The following DOCK2 variants were observed in gnomAD, a reference collection of about 807,000 sequenced individuals.
The protein encoded by DOCK2 is dedicator of cytokinesis 2.
Under a neutral mutation model 248.9 loss-of-function variants are expected in DOCK2, and 87 were observed. The observed-to-expected ratio is 0.35, with a 90% confidence interval of 0.29 to 0.42. DOCK2 has a LOEUF of 0.42. Among genes scored for constraint, DOCK2 ranks in the 10% least tolerant of loss-of-function variants. DOCK2 has a pLI of 1.00. For missense variants in DOCK2, 1,747 were observed against 2,300.2 expected (o/e 0.76, Z 4.92); for synonymous variants, 805 against 821.6 (o/e 0.98, Z 0.35).
intron 27 of DOCK2, among the ~76,000 whole-genome samples, chr5:169,848,773 A>T (rs1048852806): frequency 6.6e-6 from 1 of 152,228 alleles, no homozygotes; most frequent in African/African-American, 2.4e-5. Flanking sequence ...TTGGCATCAT[A>T]GCAGCTCCAG....
intron 5 of DOCK2, among the ~76,000 whole-genome samples, chr5:169,673,566 G>A (rs369347010): frequency 4.6e-5 from 7 of 151,948 alleles, no homozygotes; most frequent in South Asian, 2.1e-4. Flanking sequence ...TGTCACCCCC[G>A]CTGGAGTGCA....
chr5:169,804,494 G>GCGCACA (rs1182317986), intron 26 of DOCK2, among the ~76,000 whole-genome samples: 5 of 57,918 alleles, frequency 8.6e-5, no homozygotes, highest in African/African-American at 1.8e-4. Flanking sequence ...GTGCGCGCGC[G>GCGCACA]CGTGCGCGTA....
chr5:169,680,074 C>G (rs754385384), intron 6 of DOCK2, among the ~76,000 whole-genome samples: 9 of 152,198 alleles, frequency 5.9e-5, no homozygotes, highest in Non-Finnish European at 1.2e-4. Flanking sequence ...CTACCCCACT[C>G]CACAACCCAT....
chr5:169,932,241 T>C (rs985853524), intron 27 of DOCK2, among the ~76,000 whole-genome samples: 1 of 152,154 alleles, frequency 6.6e-6, no homozygotes, highest in Non-Finnish European at 1.5e-5. Flanking sequence ...GTCCCTGAGT[T>C]TACAGAGCCC....
chr5:169,815,988 G>A (rs1034946283), intron 26 of DOCK2, among the ~76,000 whole-genome samples: 3 of 152,184 alleles, frequency 2.0e-5, no homozygotes, highest in Non-Finnish European at 2.9e-5. Context: ...CTTCACTGGG[G>A]CAGCCACTTG....
At chr5:169,752,565 C>A (rs915842485) in intron 23 of DOCK2, among the ~76,000 whole-genome samples, 1 of 149,520 alleles carries the variant, frequency 6.7e-6, no homozygotes, top group African/African-American at 2.5e-5. Flanking sequence ...ATAGTGAGAC[C>A]CTGTCTCGAC....
At chr5:169,922,585 T>C (rs1468605635) in intron 27 of DOCK2, among the ~76,000 whole-genome samples, 2 of 152,238 alleles carry the variant, frequency 1.3e-5, no homozygotes, top group Non-Finnish European at 2.9e-5. Flanking sequence ...ATTTGCAGTT[T>C]AGAGAATATC....
At chr5:169,934,514 G>C in intron 27 of DOCK2, 1 of 398,660 alleles carries the variant, frequency 2.5e-6, no homozygotes, top group Middle Eastern at 5.8e-4. Flanking sequence ...ATGCTTATCA[G>C]CACCCACATT....
At chr5:169,961,261 G>A (rs145622551) in intron 27 of DOCK2, among the ~76,000 whole-genome samples, 19 of 152,310 alleles carry the variant, frequency 1.2e-4, no homozygotes, top group African/African-American at 4.6e-4. Flanking sequence ...GATAAATGCT[G>A]TCAGAGTTCT....
chr5:169,750,592 T>C (rs1022116414), intron 23 of DOCK2, among the ~76,000 whole-genome samples: 39 of 152,338 alleles, frequency 2.6e-4, no homozygotes, highest in East Asian at 1.9e-4. Flanking sequence ...GGTTCTTGTC[T>C]GGGTAGCTGT....
Position 169,892,182 on chromosome 5 carries a change from C to G in DOCK2, c.2799+51330C>G, listed in dbSNP as rs192514125. On this transcript the variant is annotated intron_variant, in intron 27 of 51. Transcript: ENST00000520908. The stretch of plus-strand genomic sequence containing the variant: ...TAAAACACAATAAAGTGGAGTTGTT[C>G]TAGAAAATGTAGGGGACTCAGTCCT... Among the ~76,000 whole-genome samples the G allele has an allele frequency of 2.1e-3, 318 of 152,140 alleles. 2 individuals carry two copies. The highest frequency in any genetic ancestry group is 3.4e-3 in the Non-Finnish European group (231 of 67,976).
intron 25 of DOCK2, chr5:169,779,308 A>C (rs6879663): frequency 0.4 from 60,923 of 151,986 alleles, 14,138 homozygotes; most frequent in African/African-American, 0.62. Context: ...ACCAATTGTT[A>C]GCACTGAAAG....
chr5:170,070,843 A>G (rs991041110), intron 46 of DOCK2, among the ~76,000 whole-genome samples: 5 of 152,230 alleles, frequency 3.3e-5, no homozygotes, highest in African/African-American at 1.2e-4. Context: ...GCGAATACCA[A>G]GCTGTACCTT....
At chr5:169,750,771 T>G (rs1275361309) in intron 23 of DOCK2, among the ~76,000 whole-genome samples, 3 of 152,088 alleles carry the variant, frequency 2.0e-5, no homozygotes, top group African/African-American at 7.2e-5. Context: ...TTCCACCTAT[T>G]TACATAGCTA....
At chr5:169,880,923 T>C (rs537156462) in intron 27 of DOCK2, among the ~76,000 whole-genome samples, 1 of 152,322 alleles carries the variant, frequency 6.6e-6, no homozygotes, top group East Asian at 1.9e-4. Context: ...CTGTGCCAAG[T>C]AAGGGCTTGG....
At chr5:169,982,180 G>T (rs1023222931) in intron 27 of DOCK2, among the ~76,000 whole-genome samples, 1 of 151,714 alleles carries the variant, frequency 6.6e-6, no homozygotes, top group Non-Finnish European at 1.5e-5. Context: ...GGCAGCCCCA[G>T]TGGAAACTTG....
chr5:169,931,001 G>C (rs1775724737), intron 27 of DOCK2, among the ~76,000 whole-genome samples: 1 of 152,248 alleles, frequency 6.6e-6, no homozygotes, highest in African/African-American at 2.4e-5. Context: ...TCATGTGTGT[G>C]CCAGACAGAG....
At chr5:169,955,689 A>G (rs1229609464) in intron 27 of DOCK2, among the ~76,000 whole-genome samples, 1 of 152,174 alleles carries the variant, frequency 6.6e-6, no homozygotes, top group Admixed American at 6.5e-5. Context: ...TAGCCACTAT[A>G]TAGCTGTGGA....
chr5:169,840,426 A>G (rs1444785616), intron 26 of DOCK2, among the ~76,000 whole-genome samples: 1 of 152,188 alleles, frequency 6.6e-6, no homozygotes, highest in Non-Finnish European at 1.5e-5. Flanking sequence ...AAACCATATA[A>G]TAACTTAACC....
Sources: allele counts gnomAD v4.1 joint callset (sites outside exome capture counted in the v4.1 genomes callset), GRCh38; gene constraint gnomAD v4.1.1; transcripts MANE v1.5; gene names NCBI Gene and HGNC (gene_info 2026-07-23, HGNC 2026-07-21).